The following MINK1 variants were observed in gnomAD, a reference collection of about 807,000 sequenced individuals.
MINK1 encodes misshapen-like kinase 1.
In MINK1, 46 loss-of-function variants were observed where a neutral mutation model predicts 178.4. The ratio of observed to expected loss-of-function variants is 0.26; its 90% confidence interval spans 0.20 to 0.33. The LOEUF is 0.33. Among genes scored for constraint, MINK1 ranks in the 10% least tolerant of loss-of-function variants. MINK1 has a pLI of 1.00. For missense variants in MINK1, 1,366 were observed against 1,814.9 expected, an observed-to-expected ratio of 0.75 and a Z score of 4.49; for synonymous variants, 797 against 709.7, an observed-to-expected ratio of 1.12 and a Z score of -1.96.
chr17:4,893,324 C>T, intron 20 of MINK1, 110 bp from the exon 21 acceptor site: 8 of 1,613,770 alleles, frequency 5.0e-6, no homozygotes, highest in South Asian at 1.1e-5. Flanking sequence ...GTGAGATGGG[C>T]CTGCTTGTGG....
Position 4,893,560 on chromosome 17 carries a change from G to C in MINK1, c.2527G>C (p.Gly843Arg), listed in dbSNP as rs368947159. Residue 843 changes from glycine to arginine, a missense_variant, in exon 21 of 32, where the codon GGG becomes CGG. Physicochemically the swap from Gly to Arg is moderately radical, Grantham distance 125. Coordinates refer to ENST00000355280, the MANE Select transcript of MINK1 (RefSeq NM_153827.5). ...SEDDEEEGEG[G>R]PAEGSRDTPG... ...GGACGACGAGGAGGAAGGCGAAGGC[G>C]GGCCAGCAGAGGGGAGCAGAGATAC... is the stretch of plus-strand genomic sequence containing the variant. The C allele has an allele frequency of 1.9e-6, 3 of 1,582,664 alleles. No individual in the cohort carries two copies. Among genetic ancestry groups the C allele is most frequent in the African/African-American group, 2.7e-5 (2 of 74,226 alleles).
chr17:4,885,697 A>G lies in MINK1; in HGVS notation c.639+84A>G. ...CCACGGGGCCTGAGCAGGCTGGGGA[A>G]CAGAGGAAGGTCAGATGATGTTAGC... On this transcript the variant is annotated intron_variant, in intron 7 of 31. Coordinates refer to ENST00000355280, the MANE Select transcript of MINK1 (RefSeq NM_153827.5). The surrounding 1 kb of genome is among the most constrained non-coding windows in gnomAD (Gnocchi z 5.0). 1 of 1,567,968 alleles carries G rather than the reference A, an allele frequency of 6.4e-7. No homozygotes were observed. Among genetic ancestry groups the G allele is most frequent in the Non-Finnish European group, 8.7e-7 (1 of 1,148,784 alleles).
intron 1 of MINK1, among the ~76,000 whole-genome samples, chr17:4,860,463 C>T (rs1031833167): frequency 1.3e-5 from 2 of 151,036 alleles, no homozygotes; most frequent in Non-Finnish European, 2.9e-5. Flanking sequence ...TGCATGAACT[C>T]TTGCATTTTC....
chr17:4,895,498 A>C lies in MINK1; in HGVS notation c.3229+5A>C, dbSNP rs750627249. 6.4e-7 allele frequency: 1 copy of C among 1,568,450 alleles called. No individual in the cohort carries two copies. Among genetic ancestry groups the C allele is most frequent in the Non-Finnish European group, 8.7e-7 (1 of 1,154,640 alleles). ...ACCTGCTCATCACCATCTCAGGTAC[A>C]GGTGTGGTGAGTGGGGGAGGGAGGA... On this transcript the variant is annotated splice_donor_5th_base_variant and intron_variant, in intron 26 of 31. Coordinates refer to ENST00000355280, the MANE Select transcript of MINK1 (RefSeq NM_153827.5). This position sits in a 1 kb window ranked among gnomAD's most constrained non-coding sequence, Gnocchi z 4.3.
Position 4,886,088 on chromosome 17 carries a change from A to T in MINK1, c.695-32A>T. 1 of 1,612,736 alleles carries T rather than the reference A, an allele frequency of 6.2e-7. No individual in the cohort carries two copies. The highest frequency in any genetic ancestry group is 1.1e-5 in the South Asian group (1 of 91,054). Reference sequence around the variant, plus strand: ...GGGTCCTGTAGCTCCCAGTGCAGTGAAAGGGACTGAGGGTGTCTCCTCTGT... The same window carrying T: ...GGGTCCTGTAGCTCCCAGTGCAGTGTAAGGGACTGAGGGTGTCTCCTCTGT... On this transcript the variant is annotated intron_variant, in intron 8 of 31. Transcript: ENST00000355280. This position sits in a 1 kb window ranked among gnomAD's most constrained non-coding sequence, Gnocchi z 6.1.
At chr17:4,858,995 AC>A (rs60701308) in intron 1 of MINK1, 39,504 of 352,036 alleles carry the variant, frequency 0.11, 2,589 homozygotes, top group African/African-American at 0.23. Context: ...AACACCAGGC[AC>A]CCGGGGCAGC....
intron 1 of MINK1, among the ~76,000 whole-genome samples, chr17:4,848,976 G>C (rs1057129634): frequency 6.6e-6 from 1 of 152,114 alleles, no homozygotes; most frequent in Non-Finnish European, 1.5e-5. Flanking sequence ...TGTCTCCTGG[G>C]GTTCTTTAAC....
intron 1 of MINK1, among the ~76,000 whole-genome samples, chr17:4,868,374 C>T (rs928909626): frequency 6.6e-6 from 1 of 152,102 alleles, no homozygotes; most frequent in Non-Finnish European, 1.5e-5. Flanking sequence ...TTCTTCTATC[C>T]ACCTGTATTT....
In MINK1 at chr17:4,867,117, ATAG is replaced by A. The variant is rs540691343; in HGVS notation, c.58-11196_58-11194del. Among the ~76,000 whole-genome samples the A allele has an allele frequency of 3.9e-3, 519 of 132,962 alleles. 3 individuals carry two copies. Among genetic ancestry groups the A allele is most frequent in the African/African-American group, 0.014 (496 of 35,642 alleles). 87.2% of individuals were successfully genotyped at this position (132,962 alleles called of 152,430 possible). A position where few individuals can be genotyped will look rare whatever the true frequency, so the allele number is the denominator to read the frequency against. The stretch of plus-strand genomic sequence containing the variant: ...TAATAATAATAATAAACTGCACACT[ATAG>A]TAGGTGCTCTTAGGACTGTTTTTTT... On this transcript the variant is annotated intron_variant, in intron 1 of 31. Transcript: ENST00000355280.
rs1213052117 is a variant in MINK1 at position 4,892,403 on chromosome 17, C to A, written c.2089C>A (p.Pro697Thr). The change falls in exon 18 of 32, where the codon CCT becomes ACT. Residue 697 changes from proline to threonine, a missense_variant and splice_region_variant. By Grantham distance (38) the Pro-to-Thr change is conservative. Around this residue, in one of 14 missense-constraint regions of MINK1, gnomAD observed 709 missense variants for 692.3 expected, o/e 1.02. Transcript: ENST00000355280. ...GGCACCCCTGTGCTCCCTTCACAGACCTCGCAGCAACTCCGCCTGGCAAAT... is the reference window on the plus strand; with the variant it reads ...GGCACCCCTGTGCTCCCTTCACAGAACTCGCAGCAACTCCGCCTGGCAAAT... ...SRPAQAVRAR[P>T]RSNSAWQIYL... 4 of 1,551,348 alleles carry A rather than the reference C, an allele frequency of 2.6e-6. No individual in the cohort carries two copies. Among genetic ancestry groups the A allele is most frequent in the Non-Finnish European group, 3.5e-6 (4 of 1,148,482 alleles).
chr17:4,897,036 A>C, intron 31 of MINK1, 168 bp from the exon 32 acceptor site: 4 of 860,904 alleles, frequency 4.6e-6, no homozygotes, highest in Admixed American at 5.2e-5. Context: ...CTCTCCCCTA[A>C]CATCCCAGCC....
chr17:4,846,384 C>T (rs1199760763), intron 1 of MINK1, among the ~76,000 whole-genome samples: 1 of 152,192 alleles, frequency 6.6e-6, no homozygotes, highest in Non-Finnish European at 1.5e-5. Context: ...TACCGAATGG[C>T]CCTTCTCACC....
intron 12 of MINK1, among the ~76,000 whole-genome samples, chr17:4,888,575 T>G (rs1479252938): frequency 6.6e-6 from 1 of 151,302 alleles, no homozygotes; most frequent in East Asian, 2.0e-4. Context: ...GAGGTGGAAG[T>G]TGTAGTGAGC....
rs200935546 is a variant in MINK1 at position 4,891,026 on chromosome 17, G to C, written c.1642G>C (p.Glu548Gln). The change falls in exon 15 of 32, where the codon GAG becomes CAG. Residue 548 changes from glutamate (E) to glutamine (Q), a missense_variant. By Grantham distance (29) the Glu-to-Gln change is conservative. Transcript: ENST00000355280. Reference protein sequence around the residue: ...AKSKPGSTGPEPPIPQASPGP... With the variant: ...AKSKPGSTGPQPPIPQASPGP... ...GAGCAAGCCAGGCAGCACGGGGCCT[G>C]AGCCCCCCATCCCCCAGGCCTCCCC... is the stretch of plus-strand genomic sequence containing the variant. The C allele has an allele frequency of 1.7e-5, 26 of 1,558,708 alleles. No individual in the cohort carries two copies. The East Asian group carries it at 6.3e-4, about 38-fold the overall frequency.
intron 1 of MINK1, among the ~76,000 whole-genome samples, chr17:4,850,013 C>T (rs189689692): frequency 1.3e-4 from 20 of 152,258 alleles, no homozygotes; most frequent in Admixed American, 2.6e-4. Context: ...GTGGCGCAAG[C>T]GTGGCTCACT....
intron 1 of MINK1, chr17:4,859,470 C>A: frequency 3.7e-6 from 1 of 271,122 alleles, no homozygotes; most frequent in Non-Finnish European, 5.6e-6. Flanking sequence ...AAGGTAGAGC[C>A]AGGGGCACTT....
intron 16 of MINK1, 41 bp from the exon 17 acceptor site, chr17:4,892,108 G>GTCGCAGCGCCAGC: frequency 6.7e-7 from 1 of 1,498,042 alleles, no homozygotes; most frequent in East Asian, 2.4e-5. Flanking sequence ...AGAAGTGCCT[G>GTCGCAGCGCCAGC]TCGCAGCGCC....
rs372115763 is a variant in MINK1 at position 4,869,596 on chromosome 17, T to C, written c.58-8721T>C. Among the ~76,000 whole-genome samples, 10 of 152,164 alleles carry C rather than the reference T, an allele frequency of 6.6e-5. No homozygotes were observed. In the South Asian group the frequency reaches 2.1e-3, roughly 32 times the overall value. The stretch of plus-strand genomic sequence containing the variant: ...CTGACGATTTTTTCTCTTTTGGATA[T>C]ATACCCAGCAGTGGTATTGCCCGAT... On this transcript the variant is annotated intron_variant, in intron 1 of 31. Transcript: ENST00000355280.
At chr17:4,867,504 A>T (rs1226470625) in intron 1 of MINK1, among the ~76,000 whole-genome samples, 2 of 151,888 alleles carry the variant, frequency 1.3e-5, no homozygotes, top group Non-Finnish European at 2.9e-5. Context: ...AATAATTAAA[A>T]TTTTTAAAAA....
Sources: allele counts gnomAD v4.1 joint callset (sites outside exome capture counted in the v4.1 genomes callset), GRCh38; gene constraint gnomAD v4.1.1; regional missense constraint gnomAD v4.1.1; non-coding constraint Gnocchi (gnomAD v3.1); transcripts MANE v1.5; gene names NCBI Gene and HGNC (gene_info 2026-07-23, HGNC 2026-07-21).